The following PDZD2 variants were observed in gnomAD, a reference collection of about 807,000 sequenced individuals.
PDZD2 encodes the protein PDZ domain-containing protein 2.
Under a neutral mutation model 220.7 loss-of-function variants are expected in PDZD2, and 90 were observed. The ratio of observed to expected loss-of-function variants is 0.41; its 90% confidence interval spans 0.34 to 0.49. The LOEUF is 0.49. PDZD2 is among the 20% of genes least tolerant of loss of function. The pLI is 0.28. For missense variants in PDZD2, 3,174 were observed against 3,608.5 expected, an observed-to-expected ratio of 0.88 and a Z score of 3.08; for synonymous variants, 1,375 against 1,450.5, an observed-to-expected ratio of 0.95 and a Z score of 1.18.
At chr5:32,033,600 A>T (rs1177521200) in intron 6 of PDZD2, among the ~76,000 whole-genome samples, 2 of 148,756 alleles carry the variant, frequency 1.3e-5, no homozygotes, top group African/African-American at 4.9e-5. Flanking sequence ...TACAGGCATT[A>T]GGTAGCCACA....
chr5:31,736,327 T>C (rs1749860877), intron 1 of PDZD2, among the ~76,000 whole-genome samples: 2 of 152,332 alleles, frequency 1.3e-5, no homozygotes, highest in South Asian at 4.1e-4. Context: ...TGAGGATCTG[T>C]TACAGGCTCG....
chr5:31,906,368 C>T (rs916353893), intron 2 of PDZD2, among the ~76,000 whole-genome samples: 2 of 150,876 alleles, frequency 1.3e-5, no homozygotes, highest in African/African-American at 4.9e-5. Context: ...GGTGATCCTC[C>T]CACCTCAGTT....
At chr5:32,019,301 C>G (rs76276753) in intron 6 of PDZD2, among the ~76,000 whole-genome samples, 3,317 of 152,136 alleles carry the variant, frequency 0.022, 118 homozygotes, top group African/African-American at 0.077. Context: ...GCCACCATGC[C>G]CAGCTAATTT....
chr5:31,983,050 C>T lies in PDZD2; in HGVS notation c.477-105C>T, dbSNP rs926654543. 5.9e-5 allele frequency: 69 copies of T among 1,169,444 alleles called. No homozygotes were observed. The East Asian group carries it at 9.0e-4, about 15-fold the overall frequency. 72.4% of individuals were successfully genotyped at this position (1,169,444 alleles called of 1,614,324 possible). A position where few individuals can be genotyped will look rare whatever the true frequency, so the allele number is the denominator to read the frequency against. ...TAGGAAGCTCAATACCTCAGTCCATCGGCCAACTGGTCGTCACTTGGGTGG... is the reference window on the plus strand; with the variant it reads ...TAGGAAGCTCAATACCTCAGTCCATTGGCCAACTGGTCGTCACTTGGGTGG... On this transcript the variant is annotated intron_variant, in intron 2 of 24. Transcript: ENST00000438447.
intron 2 of PDZD2, among the ~76,000 whole-genome samples, chr5:31,955,249 C>G (rs1747556112): frequency 6.6e-6 from 1 of 151,588 alleles, no homozygotes; most frequent in African/African-American, 2.4e-5. Flanking sequence ...AGAAGGTTGG[C>G]AAGAAAAGAA....
At chr5:31,946,279 AG>A (rs1459582357) in intron 2 of PDZD2, among the ~76,000 whole-genome samples, 1 of 152,220 alleles carries the variant, frequency 6.6e-6, no homozygotes, top group African/African-American at 2.4e-5. Context: ...CTGGGATTAT[AG>A]ACGTGAGTCA....
Position 31,639,832 on chromosome 5 carries a change from G to C in PDZD2, c.-361+395G>C, listed in dbSNP as rs540494767. The stretch of plus-strand genomic sequence containing the variant: ...CCTCCGACAGGAGTGGAGGTACTCA[G>C]GTACTCCGGCCTCAGGTAATGTCTT... On this transcript the variant is annotated intron_variant, in intron 1 of 24. Transcript: ENST00000438447. This position sits in a 1 kb window ranked among gnomAD's most constrained non-coding sequence, Gnocchi z 4.1. 2.4e-4 allele frequency among the ~76,000 whole-genome samples: 36 copies of C among 152,320 alleles called. No homozygotes were observed. In the South Asian group the frequency reaches 7.2e-3, roughly 31 times the overall value.
At chr5:31,831,911 CAAAAAAAA>C (rs56394577) in intron 2 of PDZD2, among the ~76,000 whole-genome samples, 11 of 63,732 alleles carry the variant, frequency 1.7e-4, no homozygotes, top group African/African-American at 4.1e-4. Context: ...GAGACTGTTT[CAAAAAAAA>C]AAAAAAAAAA....
chr5:31,897,201 C>A (rs915935607), intron 2 of PDZD2, among the ~76,000 whole-genome samples: 16 of 152,034 alleles, frequency 1.1e-4, no homozygotes, highest in Admixed American at 2.0e-4. Context: ...GCACCTAAAT[C>A]AGTGAACTAA....
chr5:31,818,479 A>G (rs901149755), intron 2 of PDZD2, among the ~76,000 whole-genome samples: 2 of 152,014 alleles, frequency 1.3e-5, no homozygotes, highest in Non-Finnish European at 2.9e-5. Flanking sequence ...CAGACCTTCT[A>G]ACTTCACCCT....
intron 6 of PDZD2, among the ~76,000 whole-genome samples, chr5:32,014,791 C>T (rs1753641128): frequency 6.8e-6 from 1 of 146,538 alleles, no homozygotes; most frequent in Non-Finnish European, 1.5e-5. Flanking sequence ...TCTCTGCTCA[C>T]TGCAACCTCC....
chr5:32,026,197 C>T (rs998362385), intron 6 of PDZD2, among the ~76,000 whole-genome samples: 3 of 149,064 alleles, frequency 2.0e-5, no homozygotes, highest in Non-Finnish European at 4.4e-5. Context: ...AGTGCAGTGG[C>T]ACAATCTTGG....
At chr5:31,715,057 TAAAAA>T (rs11310820) in intron 1 of PDZD2, among the ~76,000 whole-genome samples, 1 of 142,728 alleles carries the variant, frequency 7.0e-6, no homozygotes, top group East Asian at 2.0e-4. Context: ...ACACTCTGTC[TAAAAA>T]AAAAAAAAAA....
At chr5:32,053,285 A>G (rs1561458879) in intron 9 of PDZD2, among the ~76,000 whole-genome samples, 1 of 152,282 alleles carries the variant, frequency 6.6e-6, no homozygotes, top group Admixed American at 6.5e-5. Context: ...AATGAATTTC[A>G]TGGCGTTGCC....
intron 1 of PDZD2, among the ~76,000 whole-genome samples, chr5:31,740,363 C>CA (rs58267641): frequency 5.7e-4 from 61 of 106,150 alleles, no homozygotes; most frequent in African/African-American, 1.2e-3. Context: ...TACTAAAAAT[C>CA]AAAAAAAAAA....
intron 2 of PDZD2, among the ~76,000 whole-genome samples, chr5:31,982,497 G>A (rs1474568092): frequency 2.0e-5 from 3 of 152,222 alleles, no homozygotes; most frequent in South Asian, 2.1e-4. Flanking sequence ...TAATAGAGAC[G>A]GGGTTTCGCT....
chr5:32,067,519 C>T (rs1581412917), intron 14 of PDZD2, among the ~76,000 whole-genome samples: 1 of 152,070 alleles, frequency 6.6e-6, no homozygotes, highest in African/African-American at 2.4e-5. Flanking sequence ...TAAAGCATTA[C>T]ATAAAGGCCA....
At chr5:32,015,891 C>T (rs1753749926) in intron 6 of PDZD2, among the ~76,000 whole-genome samples, 1 of 152,162 alleles carries the variant, frequency 6.6e-6, no homozygotes, top group Non-Finnish European at 1.5e-5. Context: ...TTTGCCAAAT[C>T]TGCAATTGTA....
chr5:31,953,660 A>AATTTT (rs59213187), intron 2 of PDZD2, among the ~76,000 whole-genome samples: 1 of 138,582 alleles, frequency 7.2e-6, no homozygotes, highest in African/African-American at 2.7e-5. Flanking sequence ...TAAAAAAAAA[A>AATTTT]TTTTTTTTTT....
Sources: allele counts gnomAD v4.1 joint callset (sites outside exome capture counted in the v4.1 genomes callset), GRCh38; gene constraint gnomAD v4.1.1; non-coding constraint Gnocchi (gnomAD v3.1); transcripts MANE v1.5; gene names NCBI Gene and HGNC (gene_info 2026-07-23, HGNC 2026-07-21).